CTNNA2: variants seen among roughly 807,000 people sequenced by gnomAD.
CTNNA2 encodes the protein catenin alpha-2.
Under a neutral mutation model 101.0 loss-of-function variants are expected in CTNNA2, and 42 were observed. That is an observed-to-expected ratio of 0.42 (90% CI 0.32 to 0.54). CTNNA2 has a LOEUF of 0.54. Among genes scored for constraint, CTNNA2 ranks in the 20% least tolerant of loss-of-function variants. The probability of loss-of-function intolerance (pLI) is 0.14; values close to 1 mark genes in which losing one functional copy is unlikely to be tolerated. For synonymous variants in CTNNA2, 450 were observed against 456.4 expected (o/e 0.99, Z 0.18); for missense variants, 871 against 1,223.1 (o/e 0.71, Z 4.29).
At chr2:80,512,986 T>A (rs1688829882) in intron 9 of CTNNA2, among the ~76,000 whole-genome samples, 1 of 152,128 alleles carries the variant, frequency 6.6e-6, no homozygotes, top group Admixed American at 6.5e-5. Context: ...ATATATAGAT[T>A]TGAGCTATTT....
At chr2:79,538,542 C>A (rs1673211885) in intron 1 of CTNNA2, among the ~76,000 whole-genome samples, 1 of 152,080 alleles carries the variant, frequency 6.6e-6, no homozygotes, top group African/African-American at 2.4e-5. Flanking sequence ...TGGGGAAAAT[C>A]CAGAGATATG....
At chr2:79,706,881 A>G (rs1220333070) in intron 2 of CTNNA2, among the ~76,000 whole-genome samples, 2 of 152,208 alleles carry the variant, frequency 1.3e-5, no homozygotes, top group Non-Finnish European at 2.9e-5. Context: ...AGGAATAAGC[A>G]TCTTTATCCA....
chr2:79,702,330 A>C (rs1160186476), intron 2 of CTNNA2, among the ~76,000 whole-genome samples: 1 of 151,292 alleles, frequency 6.6e-6, no homozygotes, highest in South Asian at 2.1e-4. Context: ...TTATTAGAAC[A>C]TAGCCATACC....
intron 2 of CTNNA2, among the ~76,000 whole-genome samples, chr2:79,712,465 G>A (rs1419871668): frequency 1.3e-5 from 2 of 152,118 alleles, no homozygotes; most frequent in Admixed American, 6.6e-5. Flanking sequence ...GTATTAAGTT[G>A]TTTTTTCCTC....
chr2:80,027,798 T>C (rs1462141664), intron 7 of CTNNA2, among the ~76,000 whole-genome samples: 1 of 151,308 alleles, frequency 6.6e-6, no homozygotes, highest in Non-Finnish European at 1.5e-5. Context: ...CAAGACCCTG[T>C]TTCTACAAAA....
chr2:79,972,718 G>A (rs1481289902), intron 7 of CTNNA2, among the ~76,000 whole-genome samples: 2 of 152,168 alleles, frequency 1.3e-5, no homozygotes, highest in Admixed American at 6.5e-5. Flanking sequence ...TCCATTTAGG[G>A]AAGTGGATCT....
At chr2:80,570,976 C>T (rs984398180) in intron 12 of CTNNA2, among the ~76,000 whole-genome samples, 2 of 152,060 alleles carry the variant, frequency 1.3e-5, no homozygotes, top group Non-Finnish European at 2.9e-5. Context: ...TAGCTTTCTC[C>T]TCTCACCCTT....
At chr2:80,418,309 A>T (rs1680214346) in intron 8 of CTNNA2, among the ~76,000 whole-genome samples, 1 of 152,208 alleles carries the variant, frequency 6.6e-6, no homozygotes, top group Admixed American at 6.5e-5. Context: ...GAATGAAATG[A>T]TGTAATATGC....
At chr2:80,056,577 A>G (rs1007439895) in intron 7 of CTNNA2, among the ~76,000 whole-genome samples, 10 of 152,242 alleles carry the variant, frequency 6.6e-5, no homozygotes, top group Non-Finnish European at 1.0e-4. Context: ...ACTCCTGGTT[A>G]CCATACCATA....
chr2:79,725,197 C>T (rs1226672879), intron 2 of CTNNA2, among the ~76,000 whole-genome samples: 2 of 152,182 alleles, frequency 1.3e-5, no homozygotes, highest in African/African-American at 4.8e-5. Context: ...CAGAACATCT[C>T]TGTCTAAATT....
intron 3 of CTNNA2, among the ~76,000 whole-genome samples, chr2:79,781,454 C>A (rs909843703): frequency 6.6e-6 from 1 of 152,126 alleles, no homozygotes; most frequent in African/African-American, 2.4e-5. Context: ...CTTATTTTAC[C>A]CAGCTCCTAT....
At chr2:79,347,952 C>T (rs1677299282) in intron 3 of CTNNA2, among the ~76,000 whole-genome samples, 1 of 152,010 alleles carries the variant, frequency 6.6e-6, no homozygotes, top group African/African-American at 2.4e-5. Context: ...ATACTTGGCA[C>T]ACCCCATTTA....
chr2:80,100,522 A>C (rs78199690), intron 7 of CTNNA2, among the ~76,000 whole-genome samples: 2 of 151,982 alleles, frequency 1.3e-5, no homozygotes, highest in African/African-American at 4.8e-5. Flanking sequence ...TCTATTTACT[A>C]TATTTGTTTT....
At chr2:79,288,334 A>C (rs905498764) in intron 2 of CTNNA2, among the ~76,000 whole-genome samples, 2 of 152,320 alleles carry the variant, frequency 1.3e-5, no homozygotes, top group East Asian at 1.9e-4. Context: ...CCATCTCTGC[A>C]TAGTAAACTA....
At chr2:80,091,342 C>G (rs949783990) in intron 7 of CTNNA2, among the ~76,000 whole-genome samples, 29 of 152,070 alleles carry the variant, frequency 1.9e-4, no homozygotes, top group African/African-American at 6.0e-4. Flanking sequence ...CAGGTTTAGT[C>G]ACAGGCTGTT....
intron 4 of CTNNA2, among the ~76,000 whole-genome samples, chr2:79,382,860 C>T (rs1056298269): frequency 1.3e-5 from 2 of 152,130 alleles, no homozygotes; most frequent in Admixed American, 6.5e-5. Context: ...GTGATCCACC[C>T]GCCTTGGCCT....
At chr2:79,546,535 A>T (rs988625572) in intron 1 of CTNNA2, among the ~76,000 whole-genome samples, 1 of 152,192 alleles carries the variant, frequency 6.6e-6, no homozygotes, top group African/African-American at 2.4e-5. Context: ...TTCTGTTTAT[A>T]ATCTGTAGCT....
rs1235087005 is a variant in CTNNA2 at position 80,302,049 on chromosome 2, G to GT, written c.1057-91156dup. 1.1e-5 allele frequency: 7 copies of GT among 647,178 alleles called. No homozygotes were observed. The highest frequency in any genetic ancestry group is 3.3e-5 in the Admixed American group (1 of 30,512). 40.1% of individuals were successfully genotyped at this position (647,178 alleles called of 1,614,324 possible). ...ACTGTCCTGAAGGTTGTGGGGTGGG[G>GT]TTTTTTGTTGTGTTTTAATTCGCTT... is the stretch of plus-strand genomic sequence containing the variant. On this transcript the variant is annotated intron_variant, in intron 7 of 18. Coordinates refer to ENST00000402739, the MANE Select transcript of CTNNA2 (RefSeq NM_001282597.3). The surrounding 1 kb of genome is among the most constrained non-coding windows in gnomAD (Gnocchi z 6.4).
chr2:80,405,801 G>T (rs1678997314), intron 8 of CTNNA2, among the ~76,000 whole-genome samples: 1 of 152,126 alleles, frequency 6.6e-6, no homozygotes, highest in Non-Finnish European at 1.5e-5. Context: ...TTTGTCCTGA[G>T]GAGTTTGAGG....
Sources: allele counts gnomAD v4.1 joint callset (sites outside exome capture counted in the v4.1 genomes callset), GRCh38; gene constraint gnomAD v4.1.1; non-coding constraint Gnocchi (gnomAD v3.1); transcripts MANE v1.5; gene names NCBI Gene and HGNC (gene_info 2026-07-23, HGNC 2026-07-21).